LY6S: variants seen among roughly 807,000 people sequenced by gnomAD.
The protein encoded by LY6S is lymphocyte antigen 6 family member S, also known as lymphocyte antigen 6S.
At chr8:143,071,537 T>C in the LY6S span, among the ~76,000 whole-genome samples, 1 of 152,190 alleles carries the variant, frequency 6.6e-6, no homozygotes, top group African/African-American at 2.4e-5. Flanking sequence ...GTGTGATTAA[T>C]AGGAGAAATG....
the LY6S span, chr8:143,057,439 AG>A: frequency 1.9e-6 from 1 of 524,286 alleles, no homozygotes; most frequent in Non-Finnish European, 3.5e-6. Context: ...TAGTAGAAAC[AG>A]GGTTTCACCA....
chr8:143,063,006 T>C, the LY6S span, among the ~76,000 whole-genome samples: 1 of 152,176 alleles, frequency 6.6e-6, no homozygotes, highest in South Asian at 2.1e-4. Flanking sequence ...AGCTGCTGAG[T>C]TGGGCCTGTC....
the LY6S span, chr8:143,042,119 G>A: frequency 7.6e-3 from 172 of 22,648 alleles, 5 homozygotes; most frequent in African/African-American, 0.02. Context: ...TGAGACGACC[G>A]TCCACCCAGG....
At chr8:143,054,492 T>C in the LY6S span, among the ~76,000 whole-genome samples, 4 of 152,136 alleles carry the variant, frequency 2.6e-5, no homozygotes, top group African/African-American at 7.2e-5. Flanking sequence ...AAACCGCCTC[T>C]TATAGAACCT....
chr8:143,050,482 C>G, the LY6S span, among the ~76,000 whole-genome samples: 2 of 151,958 alleles, frequency 1.3e-5, no homozygotes, highest in African/African-American at 4.8e-5. Context: ...TGCCCGGCCC[C>G]AAAACCTGAC....
the LY6S span, among the ~76,000 whole-genome samples, chr8:143,048,997 G>GC: frequency 1.3e-5 from 2 of 152,074 alleles, no homozygotes; most frequent in East Asian, 3.9e-4. Context: ...GAGACGTTGG[G>GC]CCCCCCAGCC....
the LY6S span, chr8:143,047,998 G>C: frequency 6.6e-6 from 1 of 152,232 alleles, no homozygotes; most frequent in African/African-American, 2.4e-5. Context: ...CCTTGGCTGT[G>C]TGTCTCTTGT....
the LY6S span, chr8:143,066,129 A>G: frequency 2.8e-6 from 1 of 360,974 alleles, no homozygotes; most frequent in Non-Finnish European, 5.1e-6. Context: ...TGCGGCCTCC[A>G]TGATGTTTCC....
chr8:143,070,631 C>T, the LY6S span, among the ~76,000 whole-genome samples: 1 of 149,728 alleles, frequency 6.7e-6, no homozygotes, highest in South Asian at 2.1e-4. Flanking sequence ...GGATTACAGG[C>T]GCATGTCACC....
chr8:143,065,279 T>C, the LY6S span, among the ~76,000 whole-genome samples: 1 of 152,126 alleles, frequency 6.6e-6, no homozygotes, highest in African/African-American at 2.4e-5. Context: ...ACTATGGGGT[T>C]TAGGGTACTT....
the LY6S span, among the ~76,000 whole-genome samples, chr8:143,073,189 C>A: frequency 6.7e-6 from 1 of 150,258 alleles, no homozygotes; most frequent in Admixed American, 6.6e-5. Context: ...AGACAGCCGT[C>A]GTCCTCGGGG....
the LY6S span, among the ~76,000 whole-genome samples, chr8:143,061,491 GGTTT>G: frequency 1.2e-3 from 173 of 147,534 alleles, no homozygotes; most frequent in African/African-American, 4.2e-3. Flanking sequence ...ATCACACTTA[GGTTT>G]GTTTGTTTGG....
the LY6S span, chr8:143,047,630 A>G: frequency 4.6e-5 from 7 of 152,242 alleles, no homozygotes; most frequent in African/African-American, 1.7e-4. Context: ...CAGAGCAGGC[A>G]TATTTGATTT....
At chr8:143,074,138 G>C in the LY6S span, among the ~76,000 whole-genome samples, 1 of 152,190 alleles carries the variant, frequency 6.6e-6, no homozygotes, top group South Asian at 2.1e-4. Flanking sequence ...ATACTTCATG[G>C]AGTTTGATAA....
At chr8:143,043,765 T>A in the LY6S span, among the ~76,000 whole-genome samples, 1 of 152,012 alleles carries the variant, frequency 6.6e-6, no homozygotes, top group Non-Finnish European at 1.5e-5. Flanking sequence ...AACCTCCACC[T>A]CCTGGGTTCA....
the LY6S span, among the ~76,000 whole-genome samples, chr8:143,051,981 AAAG>A: frequency 6.8e-6 from 1 of 147,834 alleles, no homozygotes. Flanking sequence ...CAAAAAAAAA[AAAG>A]AAAAGAAAAG....
chr8:143,073,320 G>A, the LY6S span, among the ~76,000 whole-genome samples: 1 of 146,420 alleles, frequency 6.8e-6, no homozygotes, highest in African/African-American at 2.6e-5. Context: ...CGAGGAGACA[G>A]CCGTCATCCT....
At chr8:143,065,740 CTT>C in the LY6S span, among the ~76,000 whole-genome samples, 1 of 144,268 alleles carries the variant, frequency 6.9e-6, no homozygotes, top group African/African-American at 2.5e-5. Context: ...CTTTCTCTTT[CTT>C]TCTCTTTCTT....
At chr8:143,045,077 G>A in the LY6S span, among the ~76,000 whole-genome samples, 4 of 152,138 alleles carry the variant, frequency 2.6e-5, no homozygotes, top group African/African-American at 7.2e-5. This position sits in a 1 kb window ranked among gnomAD's most constrained non-coding sequence, Gnocchi z 5.3. Context: ...GTGAGTCCTC[G>A]GAAGTGAGCA....
Sources: allele counts gnomAD v4.1 joint callset (sites outside exome capture counted in the v4.1 genomes callset), GRCh38; gene constraint gnomAD v4.1.1; non-coding constraint Gnocchi (gnomAD v3.1); transcripts MANE v1.5; gene names NCBI Gene and HGNC (gene_info 2026-07-23, HGNC 2026-07-21).